The following MICAL2 variants were observed in gnomAD, a reference collection of about 807,000 sequenced individuals.
MICAL2 encodes the protein [F-actin]-monooxygenase MICAL2.
A neutral mutation model predicts 127.3 loss-of-function variants in MICAL2; 77 were observed. The observed-to-expected ratio is 0.60, with a 90% CI of 0.50 to 0.73. The LOEUF (loss-of-function observed/expected upper bound fraction) is 0.73, where lower values mean the gene tolerates loss of function less well. Ranked by LOEUF, MICAL2 falls within the 30% of genes least tolerant of loss-of-function variation. MICAL2 has a pLI of 0.00. For synonymous variants in MICAL2, 570 were observed against 551.1 expected (o/e 1.03, Z -0.48); for missense variants, 1,351 against 1,434.4 (o/e 0.94, Z 0.94).
At chr11:12,277,557 G>A (rs919313477) in intron 1 of MICAL2, among the ~76,000 whole-genome samples, 1 of 152,210 alleles carries the variant, frequency 6.6e-6, no homozygotes, top group Non-Finnish European at 1.5e-5. Context: ...TGCAGGAAGT[G>A]ACAACAGCTA....
In MICAL2 at chr11:12,226,407, A is replaced by G. The variant is rs752942444; in HGVS notation, c.1888+37A>G. On this transcript the variant is annotated intron_variant, in intron 14 of 27. Transcript: ENST00000683283. ...CACAGAGGTTTTGCTTAGCCCCTTG[A>G]GCCAACTCTGTCCCTGTCTCTGAGT... 4.4e-6 allele frequency: 7 copies of G among 1,598,288 alleles called. No individual in the cohort carries two copies. In the African/African-American group the frequency reaches 9.4e-5, roughly 21 times the overall value.
At chr11:12,259,209 C>T (rs757200259) in intron 25 of MICAL2, among the ~76,000 whole-genome samples, 13 of 152,286 alleles carry the variant, frequency 8.5e-5, no homozygotes, top group African/African-American at 1.2e-4. Context: ...CTGAGAAAAC[C>T]GCAGTTGACA....
intron 3 of MICAL2, among the ~76,000 whole-genome samples, chr11:12,173,211 C>T (rs11022222): frequency 0.24 from 36,577 of 152,096 alleles, 4,611 homozygotes; most frequent in Admixed American, 0.26. Flanking sequence ...ATCGGTCTTA[C>T]AGTCTTAAGA....
At chr11:12,342,342 G>C (rs1319691686) in intron 32 of MICAL2, among the ~76,000 whole-genome samples, 2 of 152,230 alleles carry the variant, frequency 1.3e-5, no homozygotes, top group African/African-American at 4.8e-5. Context: ...CCAGGTGCTT[G>C]TGTCTTCCCA....
At chr11:12,328,764 T>C (rs1864382179) in intron 32 of MICAL2, among the ~76,000 whole-genome samples, 1 of 152,192 alleles carries the variant, frequency 6.6e-6, no homozygotes, top group South Asian at 2.1e-4. Flanking sequence ...ACTTAACAAG[T>C]GAAACATTAG....
chr11:12,312,312 A>G (rs1002877999), intron 29 of MICAL2, among the ~76,000 whole-genome samples: 1 of 149,450 alleles, frequency 6.7e-6, no homozygotes, highest in Non-Finnish European at 1.5e-5. Flanking sequence ...GCTTCTTGAA[A>G]TGGATCTTAG....
chr11:12,310,686 AT>A (rs373060379), intron 29 of MICAL2, among the ~76,000 whole-genome samples: 5,980 of 149,736 alleles, frequency 0.04, 160 homozygotes, highest in East Asian at 0.14. Flanking sequence ...AAATTTTAGG[AT>A]TTTTTTTTTC....
At chr11:12,149,147 A>G (rs1853296374) in intron 2 of MICAL2, among the ~76,000 whole-genome samples, 1 of 152,176 alleles carries the variant, frequency 6.6e-6, no homozygotes, top group South Asian at 2.1e-4. Flanking sequence ...CATTCCAGAC[A>G]GAGGGATCAG....
chr11:12,208,020 C>T lies in MICAL2; in HGVS notation c.473-3C>T. On this transcript the variant is annotated splice_polypyrimidine_tract_variant and splice_region_variant and intron_variant, in intron 4 of 27. Coordinates refer to ENST00000683283, the MANE Select transcript of MICAL2 (RefSeq NM_001282663.2). ...CAGTTCCTCTCTCCTTCCTGCCTGA[C>T]AGGTATTCGCCAACTACAGCTCATC... 5 of 1,611,214 alleles carry T rather than the reference C, an allele frequency of 3.1e-6. No homozygotes were observed. The highest frequency in any genetic ancestry group is 4.2e-6 in the Non-Finnish European group (5 of 1,177,298).
chr11:12,244,048 C>G lies in MICAL2; in HGVS notation c.2720C>G (p.Pro907Arg), dbSNP rs771791026. Residue 907 changes from proline (P) to arginine (R), a missense_variant, in exon 21 of 28, where the codon CCG becomes CGG. Pro to Arg is a moderately radical substitution (Grantham distance 103). Around this residue, in one of 2 missense-constraint regions of MICAL2, gnomAD observed 752 missense variants for 719.4 expected, o/e 1.05. Coordinates refer to ENST00000683283, the MANE Select transcript of MICAL2 (RefSeq NM_001282663.2). ...CCTCCATCTCCTCCCTCTCGCCTTC[C>G]GTCTCCTGATCCAGCTGCTTCTTCC... ...THPPSPPSRL[P>R]SPDPAASSSP... is the part of the protein sequence containing the mutation. 8 of 1,614,044 alleles carry G rather than the reference C, an allele frequency of 5.0e-6. No individual in the cohort carries two copies. Among genetic ancestry groups the G allele is most frequent in the Non-Finnish European group, 5.9e-6 (7 of 1,179,906 alleles).
At chr11:12,272,874 G>T (rs950289341), upstream of MICAL2, among the ~76,000 whole-genome samples, 1 of 152,022 alleles carries the variant, frequency 6.6e-6, no homozygotes, top group African/African-American at 2.4e-5. Flanking sequence ...CAACTGGCAG[G>T]CCCACTTAAA....
downstream of MICAL2, chr11:12,294,570 A>G: frequency 1.9e-6 from 3 of 1,614,222 alleles, no homozygotes; most frequent in Non-Finnish European, 2.5e-6. Context: ...GTGAGTTTGC[A>G]AGAGAACTTC....
chr11:12,248,679 G>A (rs77099342), intron 21 of MICAL2, among the ~76,000 whole-genome samples: 15 of 152,310 alleles, frequency 9.8e-5, no homozygotes, highest in Admixed American at 7.2e-4. Flanking sequence ...GGGTTTACTC[G>A]AGAGATTTGC....
chr11:12,124,525 C>T (rs1168910371), intron 1 of MICAL2, among the ~76,000 whole-genome samples: 1 of 152,214 alleles, frequency 6.6e-6, no homozygotes, highest in African/African-American at 2.4e-5. Context: ...TTCAGCTGTT[C>T]CTGGGCTGCT....
intron 31 of MICAL2, among the ~76,000 whole-genome samples, chr11:12,325,819 T>C (rs1485688006): frequency 6.6e-6 from 1 of 152,216 alleles, no homozygotes; most frequent in Non-Finnish European, 1.5e-5. Context: ...TGGGACACAA[T>C]TTAGTCTCTA....
intron 29 of MICAL2, among the ~76,000 whole-genome samples, chr11:12,305,302 A>AC (rs1204587810): frequency 4.6e-5 from 7 of 151,928 alleles, no homozygotes; most frequent in Admixed American, 4.6e-4. Flanking sequence ...AAGCGGGAAG[A>AC]CCCCCTTATA....
chr11:12,228,699 C>T (rs954734979), intron 15 of MICAL2, among the ~76,000 whole-genome samples: 2 of 152,080 alleles, frequency 1.3e-5, no homozygotes, highest in South Asian at 2.1e-4. Flanking sequence ...CGGAGGAGAG[C>T]GCTTCTACGG....
At chr11:12,321,570 C>T (rs1864296895) in intron 30 of MICAL2, among the ~76,000 whole-genome samples, 1 of 152,180 alleles carries the variant, frequency 6.6e-6, no homozygotes, top group African/African-American at 2.4e-5. Context: ...ATCTTTTCTT[C>T]CCTAGCCCTT....
chr11:12,269,502 G>A (rs958444390), intron 24 of MICAL2, among the ~76,000 whole-genome samples: 2 of 152,192 alleles, frequency 1.3e-5, no homozygotes, highest in African/African-American at 2.4e-5. Context: ...TACAGCGTGT[G>A]CCCCCACCCC....
Sources: allele counts gnomAD v4.1 joint callset (sites outside exome capture counted in the v4.1 genomes callset), GRCh38; gene constraint gnomAD v4.1.1; regional missense constraint gnomAD v4.1.1; transcripts MANE v1.5; gene names NCBI Gene and HGNC (gene_info 2026-07-23, HGNC 2026-07-21).